Variants in DCAF1 observed in about 807,000 individuals in gnomAD.
The protein encoded by DCAF1 is DDB1 and CUL4 associated factor 1.
A neutral mutation model predicts 128.0 loss-of-function variants in DCAF1; 15 were observed. The observed-to-expected ratio is 0.12, with a 90% confidence interval of 0.08 to 0.18. DCAF1 has a LOEUF of 0.18. DCAF1 is among the 10% of genes least tolerant of loss of function. The pLI is 1.00. For missense variants in DCAF1, 988 were observed against 1,649.5 expected (o/e 0.60, Z 6.95); for synonymous variants, 610 against 603.0 (o/e 1.01, Z -0.17).
At chr3:51,493,446 AG>A (rs1373866402) in intron 2 of DCAF1, among the ~76,000 whole-genome samples, 5 of 151,884 alleles carry the variant, frequency 3.3e-5, no homozygotes, top group Admixed American at 2.0e-4. Context: ...ACTCCATCTC[AG>A]GGGAAAAAAA....
intron 2 of DCAF1, among the ~76,000 whole-genome samples, chr3:51,485,778 T>C (rs1706863237): frequency 6.6e-6 from 1 of 152,198 alleles, no homozygotes; most frequent in South Asian, 2.1e-4. Context: ...TTTAATCAAG[T>C]AGATGCAATT....
In DCAF1 at chr3:51,418,213, C is replaced by A. The variant is rs530182236; in HGVS notation, c.3436-15G>T. On this transcript the variant is annotated splice_polypyrimidine_tract_variant and intron_variant, in intron 16 of 24. Transcript: ENST00000684031. ...AAGGACCCATCCTAAAAGAAAAAGG[C>A]GCAAGGTGGGTAACCACGTATTTAC... is the stretch of plus-strand genomic sequence containing the variant. 1 of 1,602,446 alleles carries A rather than the reference C, an allele frequency of 6.2e-7. No individual in the cohort carries two copies. The highest frequency in any genetic ancestry group is 8.5e-7 in the Non-Finnish European group (1 of 1,174,594).
At chr3:51,445,213 G>A (rs1553639964) in intron 6 of DCAF1, among the ~76,000 whole-genome samples, 1 of 151,994 alleles carries the variant, frequency 6.6e-6, no homozygotes, top group Admixed American at 6.6e-5. Context: ...CCTCCCATGT[G>A]CCCCTCCTTA....
chr3:51,426,023 G>A (rs1553633987), intron 13 of DCAF1, among the ~76,000 whole-genome samples: 1 of 152,168 alleles, frequency 6.6e-6, no homozygotes, highest in Non-Finnish European at 1.5e-5. Flanking sequence ...ATAATAAGAT[G>A]TCACTTTCCT....
At chr3:51,466,719 G>C in intron 5 of DCAF1, 84 bp downstream of exon 5, 1 of 1,396,040 alleles carries the variant, frequency 7.2e-7, no homozygotes, top group Non-Finnish European at 1.0e-6. Flanking sequence ...GGCCTTAGGA[G>C]AAGGCAAACT....
intron 1 of DCAF1, among the ~76,000 whole-genome samples, chr3:51,499,637 G>C (rs1708631897): frequency 6.6e-6 from 1 of 151,826 alleles, no homozygotes; most frequent in Admixed American, 6.6e-5. Context: ...CTTCTCGTGG[G>C]GAGTGGAGGA....
At chr3:51,451,835 C>A (rs1553641589) in intron 6 of DCAF1, among the ~76,000 whole-genome samples, 2 of 149,928 alleles carry the variant, frequency 1.3e-5, no homozygotes, top group African/African-American at 4.9e-5. Context: ...TTTTTAAAAA[C>A]AGTGGCGGAA....
At chr3:51,451,794 T>C (rs559098678) in intron 6 of DCAF1, among the ~76,000 whole-genome samples, 71 of 152,150 alleles carry the variant, frequency 4.7e-4, no homozygotes, top group African/African-American at 1.6e-3. Context: ...AAAGCTTTTT[T>C]TCAATATCTC....
intron 9 of DCAF1, among the ~76,000 whole-genome samples, chr3:51,433,501 G>A (rs1700556949): frequency 6.6e-6 from 1 of 151,018 alleles, no homozygotes; most frequent in African/African-American, 2.4e-5. Flanking sequence ...TGCTCTTGTT[G>A]CCCAGGCTGG....
chr3:51,461,413 C>T (rs555318031), intron 6 of DCAF1, among the ~76,000 whole-genome samples: 1 of 152,306 alleles, frequency 6.6e-6, no homozygotes, highest in African/African-American at 2.4e-5. Context: ...CAGGAAGCAA[C>T]AGGTGCTGGA....
At chr3:51,487,483 C>T (rs1707107579) in intron 2 of DCAF1, among the ~76,000 whole-genome samples, 1 of 152,146 alleles carries the variant, frequency 6.6e-6, no homozygotes, top group Non-Finnish European at 1.5e-5. Flanking sequence ...AAATCATGTG[C>T]TTTGTTCCAT....
chr3:51,463,114 C>A lies in DCAF1; in HGVS notation c.375G>T (p.Lys125Asn). 1 of 1,576,504 alleles carries A rather than the reference C, an allele frequency of 6.3e-7. No homozygotes were observed. Among genetic ancestry groups the A allele is most frequent in the South Asian group, 1.2e-5 (1 of 84,324 alleles). The change falls in exon 6 of 25, where the codon AAG becomes AAT. Residue 125 changes from lysine to asparagine, a missense_variant and splice_region_variant. By Grantham distance (94) the Lys-to-Asn change is moderately conservative. Around this residue, in one of 11 missense-constraint regions of DCAF1, gnomAD observed 210 missense variants for 260.2 expected, o/e 0.81. Coordinates refer to ENST00000684031, the MANE Select transcript of DCAF1 (RefSeq NM_001387579.1). The part of the protein sequence containing the change: ...GLETAVVFQE[K>N]EGIVENLFKW... ...TATGACTTTACTTTTCACTAAGTAC[C>A]TTTTCTTGAAAGACGACAGCAGTTT...
At chr3:51,459,601 C>A (rs1374277821) in intron 6 of DCAF1, among the ~76,000 whole-genome samples, 2 of 152,058 alleles carry the variant, frequency 1.3e-5, no homozygotes, top group African/African-American at 4.8e-5. Flanking sequence ...AAAGACACAA[C>A]CAAAAAAGAG....
chr3:51,440,110 C>A, intron 9 of DCAF1: 1 of 497,198 alleles, frequency 2.0e-6, no homozygotes, highest in South Asian at 1.5e-5. Context: ...CTGAGGCCAC[C>A]CCATGTCTAG....
intron 12 of DCAF1, among the ~76,000 whole-genome samples, chr3:51,428,245 G>A (rs6771780): frequency 1.1e-3 from 169 of 150,344 alleles, no homozygotes; most frequent in Non-Finnish European, 1.8e-3. Flanking sequence ...GCCATAGCCC[G>A]ATCACGTGCG....
At position 51,430,243 on chromosome 3, in the gene DCAF1, T is replaced by C. The variant is rs1012636191; in HGVS notation, c.1288-31A>G. The C allele has an allele frequency of 1.4e-5, 11 of 764,802 alleles. No homozygotes were observed. The African/African-American group carries it at 1.9e-4, about 13-fold the overall frequency. The allele number at this position is 764,802 out of a possible 1,614,324, so 47.4% of individuals were successfully genotyped here. A position where few individuals can be genotyped will look rare whatever the true frequency, so the allele number is the denominator to read the frequency against. On this transcript the variant is annotated intron_variant, in intron 10 of 24. Transcript: ENST00000684031. ...AAAAAATACAAATAAAACAATGCTT[T>C]TAAATTGTGGGCAAAGGAGCCCTTG...
chr3:51,466,894 G>C lies in DCAF1; in HGVS notation c.188-18C>G. ...AGCTCGACCTACCAAGAGAAGAGGG[G>C]AGGAACAAACAAAGGAATGAGTAAG... On this transcript the variant is annotated intron_variant, in intron 4 of 24. Coordinates refer to ENST00000684031, the MANE Select transcript of DCAF1 (RefSeq NM_001387579.1). 6.2e-7 allele frequency: 1 copy of C among 1,612,950 alleles called. No individual in the cohort carries two copies. Among genetic ancestry groups the C allele is most frequent in the Non-Finnish European group, 8.5e-7 (1 of 1,179,128 alleles).
At chr3:51,493,655 A>G (rs1396951887) in intron 2 of DCAF1, among the ~76,000 whole-genome samples, 1 of 152,120 alleles carries the variant, frequency 6.6e-6, no homozygotes, top group Non-Finnish European at 1.5e-5. Context: ...CCTTGAAAAC[A>G]ATAAGAAAGC....
intron 4 of DCAF1, among the ~76,000 whole-genome samples, chr3:51,467,525 GCATTAGGAGATAT>G (rs1201319278): frequency 3.9e-5 from 6 of 152,028 alleles, no homozygotes; most frequent in Non-Finnish European, 8.8e-5. Flanking sequence ...GAGAGGGACA[GCATTAGGAGATAT>G]ACCTAATGCA....
Sources: gnomAD v4.1 joint callset for allele counts (sites outside exome capture counted in the v4.1 genomes callset) on GRCh38, gnomAD v4.1.1 for gene constraint, gnomAD v4.1.1 regional missense constraint, MANE v1.5 for transcripts, NCBI Gene and HGNC (gene_info 2026-07-23, HGNC 2026-07-21) for gene names.